The following ANO4 variants were observed in gnomAD, a reference collection of about 807,000 sequenced individuals.
The protein encoded by ANO4 is anoctamin 4, also known as anoctamin-4.
A neutral mutation model predicts 141.9 loss-of-function variants in ANO4; 69 were observed. The ratio of observed to expected loss-of-function variants is 0.49; its 90% CI spans 0.40 to 0.59. The LOEUF (loss-of-function observed/expected upper bound fraction) is 0.59, where lower values mean the gene tolerates loss of function less well. Among genes scored for constraint, ANO4 ranks in the 20% least tolerant of loss-of-function variants. ANO4 has a pLI of 0.00. For synonymous variants in ANO4, 350 were observed against 394.3 expected (o/e 0.89, Z 1.33); for missense variants, 894 against 1,162.2 (o/e 0.77, Z 3.36).
chr12:100,947,728 C>A (rs1467740291), intron 5 of ANO4, among the ~76,000 whole-genome samples: 11 of 152,164 alleles, frequency 7.2e-5, no homozygotes, highest in Non-Finnish European at 1.3e-4. Context: ...TTATTAATCA[C>A]TTACTATTAT....
rs1005140343 is a variant in ANO4 at position 100,872,058 on chromosome 12, G to A, written c.-140-29588G>A. Among the ~76,000 whole-genome samples, 4 of 152,286 alleles carry A rather than the reference G, an allele frequency of 2.6e-5. No homozygotes were observed. The East Asian group carries it at 5.8e-4, about 22-fold the overall frequency. ...TAACTCAAATTACTGAATTTATGTTGTATCGATGATGCTGTTTTCCTAGTC... is the reference window on the plus strand; with the variant it reads ...TAACTCAAATTACTGAATTTATGTTATATCGATGATGCTGTTTTCCTAGTC... On this transcript the variant is annotated intron_variant, in intron 1 of 27. Coordinates refer to ENST00000392977, the MANE Select transcript of ANO4 (RefSeq NM_001286615.2).
At chr12:100,786,624 C>T (rs1347044984) in intron 3 of ANO4, among the ~76,000 whole-genome samples, 1 of 152,108 alleles carries the variant, frequency 6.6e-6, no homozygotes, top group African/African-American at 2.4e-5. Flanking sequence ...AGAATCAATA[C>T]CTATTTCTCT....
intron 1 of ANO4, among the ~76,000 whole-genome samples, chr12:100,823,367 ATTGG>A (rs2036157165): frequency 6.6e-6 from 1 of 152,068 alleles, no homozygotes; most frequent in Non-Finnish European, 1.5e-5. Flanking sequence ...AAAGAAAAGG[ATTGG>A]TAAAATATCT....
At chr12:100,939,958 TG>T (rs2042440097) in intron 4 of ANO4, among the ~76,000 whole-genome samples, 1 of 152,208 alleles carries the variant, frequency 6.6e-6, no homozygotes, top group Non-Finnish European at 1.5e-5. Flanking sequence ...CATTCCCCTT[TG>T]TTCAGGTTGT....
chr12:101,072,723 A>C (rs943079260), intron 14 of ANO4, among the ~76,000 whole-genome samples: 1 of 152,032 alleles, frequency 6.6e-6, no homozygotes, highest in African/African-American at 2.4e-5. Context: ...GAATCTACAA[A>C]GAATTTAAAC....
chr12:101,076,788 A>G (rs2049042068), intron 14 of ANO4, among the ~76,000 whole-genome samples: 2 of 152,214 alleles, frequency 1.3e-5, no homozygotes, highest in Admixed American at 6.5e-5. Flanking sequence ...TGTCTCTTCA[A>G]GAACAGGGAG....
chr12:100,805,748 A>T (rs1482318313), intron 1 of ANO4, among the ~76,000 whole-genome samples: 1 of 152,168 alleles, frequency 6.6e-6, no homozygotes, highest in African/African-American at 2.4e-5. Context: ...GTTTGTGATT[A>T]ATGATTTTAG....
At chr12:100,837,076 G>T (rs948487428) in intron 1 of ANO4, among the ~76,000 whole-genome samples, 1 of 152,130 alleles carries the variant, frequency 6.6e-6, no homozygotes, top group African/African-American at 2.4e-5. Context: ...GAGAAGCCAG[G>T]CTTTGCCTTG....
At chr12:101,119,648 T>A (rs2051000676) in intron 25 of ANO4, among the ~76,000 whole-genome samples, 1 of 152,192 alleles carries the variant, frequency 6.6e-6, no homozygotes, top group Non-Finnish European at 1.5e-5. Context: ...TATAGTATAG[T>A]ACCCTTTCTA....
In ANO4 at chr12:101,081,282, C is replaced by G. The variant is rs533600848; in HGVS notation, c.1395+2007C>G. Among the ~76,000 whole-genome samples the G allele has an allele frequency of 3.3e-5, 5 of 152,202 alleles. No homozygotes were observed. The South Asian group carries it at 1.0e-3, about 32-fold the overall frequency. On this transcript the variant is annotated intron_variant, in intron 15 of 27. Coordinates refer to ENST00000392977, the MANE Select transcript of ANO4 (RefSeq NM_001286615.2). ...AAATCTCTAATGAAAAGAAGTGGGA[C>G]TAAATTTTCCCCTTCTATCTGTAAA...
intron 5 of ANO4, among the ~76,000 whole-genome samples, chr12:100,968,149 G>A (rs904320385): frequency 1.3e-5 from 2 of 152,108 alleles, no homozygotes; most frequent in Non-Finnish European, 2.9e-5. Context: ...TTATCCAGCT[G>A]AATAAATCAA....
At chr12:101,080,900 T>TATATATATATAC (rs1194122665) in intron 15 of ANO4, among the ~76,000 whole-genome samples, 2,161 of 130,570 alleles carry the variant, frequency 0.017, 42 homozygotes, top group Middle Eastern at 0.023. Context: ...TATATATATA[T>TATATATATATAC]ACATACACAT....
At chr12:101,008,222 T>G (rs941382305) in intron 8 of ANO4, among the ~76,000 whole-genome samples, 7 of 152,292 alleles carry the variant, frequency 4.6e-5, no homozygotes, top group South Asian at 4.1e-4. Context: ...AAATTAGACA[T>G]GTATACATTT....
chr12:100,875,260 T>C (rs750801776), intron 1 of ANO4, among the ~76,000 whole-genome samples: 2 of 152,120 alleles, frequency 1.3e-5, no homozygotes, highest in Non-Finnish European at 2.9e-5. Flanking sequence ...GTTCTTGTGA[T>C]AGTGAGTGAG....
intron 1 of ANO4, among the ~76,000 whole-genome samples, chr12:100,798,525 C>T (rs1328339305): frequency 6.6e-6 from 1 of 152,180 alleles, no homozygotes; most frequent in African/African-American, 2.4e-5. Flanking sequence ...TATTTTTGAT[C>T]TGTGCCTCCC....
intron 17 of ANO4, among the ~76,000 whole-genome samples, chr12:101,088,530 A>G (rs2049602574): frequency 6.7e-6 from 1 of 149,418 alleles, no homozygotes; most frequent in Non-Finnish European, 1.5e-5. Context: ...TTGTTTGTTT[A>G]TTTTTTTTTC....
chr12:101,010,163 T>C (rs2046026009), intron 8 of ANO4, among the ~76,000 whole-genome samples: 2 of 152,302 alleles, frequency 1.3e-5, no homozygotes, highest in South Asian at 4.1e-4. Flanking sequence ...GTTCTATGAG[T>C]GTTCTTACTG....
At chr12:100,758,767 A>G (rs984537720) in intron 3 of ANO4, among the ~76,000 whole-genome samples, 1 of 152,172 alleles carries the variant, frequency 6.6e-6, no homozygotes, top group African/African-American at 2.4e-5. Context: ...AAAAATGTCA[A>G]CAGGCTCTGC....
intron 3 of ANO4, among the ~76,000 whole-genome samples, chr12:100,772,934 G>A (rs2033361374): frequency 6.6e-6 from 1 of 152,170 alleles, no homozygotes; most frequent in African/African-American, 2.4e-5. Context: ...CCTGTTTCCT[G>A]TCCCAATTCT....
Sources: allele counts gnomAD v4.1 joint callset (sites outside exome capture counted in the v4.1 genomes callset), GRCh38; gene constraint gnomAD v4.1.1; transcripts MANE v1.5; gene names NCBI Gene and HGNC (gene_info 2026-07-23, HGNC 2026-07-21).